The following LRRC8A variants were observed in gnomAD, a reference collection of about 807,000 sequenced individuals.
The protein encoded by LRRC8A is volume-regulated anion channel subunit LRRC8A.
LRRC8A carries 24 observed loss-of-function variants against 52.5 expected under a neutral mutation model. The observed-to-expected ratio is 0.46, with a 90% CI of 0.33 to 0.64. LRRC8A has a LOEUF of 0.64. Ranked by LOEUF, LRRC8A falls within the 30% of genes least tolerant of loss-of-function variation. The pLI is 0.02. For missense variants in LRRC8A, 677 were observed against 1,094.7 expected, an observed-to-expected ratio of 0.62 and a Z score of 5.38; for synonymous variants, 492 against 494.2, an observed-to-expected ratio of 1.00 and a Z score of 0.06.
Position 128,907,778 on chromosome 9 carries a change from TG to T in LRRC8A, c.616del (p.Glu206ArgfsTer42). On this transcript the variant is annotated frameshift_variant, in exon 3 of 4. Coordinates refer to ENST00000372600, the MANE Select transcript of LRRC8A (RefSeq NM_019594.4). LOFTEE classifies it high-confidence loss of function. The surrounding 1 kb of genome is among the most constrained non-coding windows in gnomAD (Gnocchi z 9.3). ...AAGTCATCGACCGTCAGTGAGGACGTGGAGGCCACCGTGCCCATGCTGCAGC... is the reference window on the plus strand; with the variant it reads ...AAGTCATCGACCGTCAGTGAGGACGTGAGGCCACCGTGCCCATGCTGCAGC... ...DKKSSTVSED[V>X]EATVPMLQRT... The T allele has an allele frequency of 6.2e-7, 1 of 1,613,874 alleles. No homozygotes were observed. Among genetic ancestry groups the T allele is most frequent in the Non-Finnish European group, 8.5e-7 (1 of 1,179,940 alleles).
At chr9:128,883,205 C>T (rs1401413214) in intron 1 of LRRC8A, among the ~76,000 whole-genome samples, 1 of 152,138 alleles carries the variant, frequency 6.6e-6, no homozygotes, top group African/African-American at 2.4e-5. Context: ...CCTCAGGAAG[C>T]CTTTTGAGAA....
In LRRC8A at chr9:128,911,487, G is replaced by A. The variant is rs959661509; in HGVS notation, c.2157+2166G>A. ...CAGCCCTTCTTTAATCTGTGGAGGG[G>A]GAGACCCTGTGGCTTCCCCATAGCA... On this transcript the variant is annotated intron_variant, in intron 3 of 3. Transcript: ENST00000372600. This position sits in a 1 kb window ranked among gnomAD's most constrained non-coding sequence, Gnocchi z 4.9. 1.3e-5 allele frequency among the ~76,000 whole-genome samples: 2 copies of A among 152,176 alleles called. No homozygotes were observed. Among genetic ancestry groups the A allele is most frequent in the Admixed American group, 6.5e-5 (1 of 15,280 alleles).
intron 3 of LRRC8A, among the ~76,000 whole-genome samples, chr9:128,915,245 T>C (rs1280515715): frequency 2.6e-5 from 4 of 152,210 alleles, no homozygotes; most frequent in Non-Finnish European, 5.9e-5. Flanking sequence ...TGCAGAACCC[T>C]ATATGTTCTG....
chr9:128,890,130 T>TGTGTGTGTGTGTG (rs1839548910), intron 2 of LRRC8A, among the ~76,000 whole-genome samples: 9 of 128,306 alleles, frequency 7.0e-5, no homozygotes, highest in South Asian at 2.7e-4. Flanking sequence ...TGGCTTCATT[T>TGTGTGTGTGTGTG]TGTGTGTGTG....
chr9:128,893,996 A>G (rs1839724524), intron 2 of LRRC8A, among the ~76,000 whole-genome samples: 1 of 152,038 alleles, frequency 6.6e-6, no homozygotes, highest in Non-Finnish European at 1.5e-5. Context: ...CTCCTGCCTC[A>G]GCCTGCTGAG....
Position 128,909,119 on chromosome 9 carries a change from C to A in LRRC8A, c.1955C>A (p.Ala652Asp). ...TCLKLWYNHI[A>D]YIPIQIGNLT... ...CTTAAGCTGTGGTACAACCACATCGCCTACATCCCCATCCAGATCGGCAAC... is the reference window on the plus strand; with the variant it reads ...CTTAAGCTGTGGTACAACCACATCGACTACATCCCCATCCAGATCGGCAAC... Residue 652 changes from alanine (A) to aspartate (D), a missense_variant, in exon 3 of 4, where the codon GCC becomes GAC. This residue lies in a region of LRRC8A where 169 missense variants were observed against 217.6 expected (regional missense o/e 0.78). Coordinates refer to ENST00000372600, the MANE Select transcript of LRRC8A (RefSeq NM_019594.4). 6.2e-7 allele frequency: 1 copy of A among 1,614,160 alleles called. No individual in the cohort carries two copies. The highest frequency in any genetic ancestry group is 8.5e-7 in the Non-Finnish European group (1 of 1,180,044).
At chr9:128,889,412 G>A (rs1056147583) in intron 2 of LRRC8A, among the ~76,000 whole-genome samples, 3 of 151,964 alleles carry the variant, frequency 2.0e-5, no homozygotes, top group East Asian at 1.9e-4. Flanking sequence ...GTCGTCTACC[G>A]CAGAACTCAT....
At position 128,909,199 on chromosome 9, in the gene LRRC8A, A is replaced by C. The variant is rs779436649; in HGVS notation, c.2035A>C (p.Thr679Pro). Residue 679 changes from threonine (T) to proline (P), a missense_variant, in exon 3 of 4, where the codon ACC becomes CCC. This residue lies in a region of LRRC8A where 169 missense variants were observed against 217.6 expected (regional missense o/e 0.78). Coordinates refer to ENST00000372600, the MANE Select transcript of LRRC8A (RefSeq NM_019594.4). ...CCGCAACAAGATCGAGAAGATCCCC[A>C]CCCAGCTCTTCTACTGCCGCAAGCT... ...LNRNKIEKIP[T>P]QLFYCRKLRY... 6.2e-7 allele frequency: 1 copy of C among 1,614,104 alleles called. No homozygotes were observed. Among genetic ancestry groups the C allele is most frequent in the Non-Finnish European group, 8.5e-7 (1 of 1,180,030 alleles).
Position 128,908,538 on chromosome 9 carries a change from C to G in LRRC8A, c.1374C>G (p.Asp458Glu), listed in dbSNP as rs888329063. ...TCCTCAAGCTGGAGCTGATCCCCGACGTGACCATCCCGCCCAGCATTGCCC... is the reference window on the plus strand; with the variant it reads ...TCCTCAAGCTGGAGCTGATCCCCGAGGTGACCATCCCGCCCAGCATTGCCC... The part of the protein sequence containing the change: ...LEVLKLELIP[D>E]VTIPPSIAQL... Residue 458 changes from aspartate (D) to glutamate (E), a missense_variant, in exon 3 of 4, where the codon GAC (aspartate) becomes GAG (glutamate). Physicochemically the swap from Asp to Glu is conservative, Grantham distance 45. This residue lies in a region of LRRC8A where 422 missense variants were observed against 741.5 expected (regional missense o/e 0.57). Transcript: ENST00000372600. 2 of 1,612,776 alleles carry G rather than the reference C, an allele frequency of 1.2e-6. No homozygotes were observed. The highest frequency in any genetic ancestry group is 1.7e-6 in the Non-Finnish European group (2 of 1,179,950).
chr9:128,898,039 A>AGTGT (rs58876901), intron 2 of LRRC8A, among the ~76,000 whole-genome samples: 1 of 136,410 alleles, frequency 7.3e-6, no homozygotes, highest in African/African-American at 2.8e-5. Flanking sequence ...AAGATTGTTC[A>AGTGT]GTGTGTGTGT....
chr9:128,890,259 T>C (rs2130943277), intron 2 of LRRC8A, among the ~76,000 whole-genome samples: 1 of 151,884 alleles, frequency 6.6e-6, no homozygotes, highest in Admixed American at 6.6e-5. Context: ...CCACAAATGT[T>C]CCCTGCTGTC....
intron 3 of LRRC8A, among the ~76,000 whole-genome samples, chr9:128,909,783 G>A (rs1840426660): frequency 6.6e-6 from 1 of 152,176 alleles, no homozygotes; most frequent in East Asian, 1.9e-4. Flanking sequence ...GAGCCAATCC[G>A]GGTCCACCCA....
chr9:128,916,239 G>C lies in LRRC8A; in HGVS notation c.2301G>C (p.Glu767Asp). The C allele has an allele frequency of 6.2e-7, 1 of 1,613,786 alleles. No individual in the cohort carries two copies. Among genetic ancestry groups the C allele is most frequent in the Non-Finnish European group, 8.5e-7 (1 of 1,179,978 alleles). The change falls in exon 4 of 4, where the codon GAG (glutamate) becomes GAC (aspartate). Residue 767 changes from glutamate (E) to aspartate (D), a missense_variant. Around this residue, in one of 4 missense-constraint regions of LRRC8A, gnomAD observed 169 missense variants for 217.6 expected, o/e 0.78. Transcript: ENST00000372600. This position sits in a 1 kb window ranked among gnomAD's most constrained non-coding sequence, Gnocchi z 6.1. ...TQIELRGNRLECLPVELGECP... is the reference protein window; with the variant it reads ...TQIELRGNRLDCLPVELGECP... ...TCGAGCTGCGGGGCAACCGGCTGGA[G>C]TGCCTGCCTGTGGAGCTGGGCGAGT...
intron 3 of LRRC8A, among the ~76,000 whole-genome samples, chr9:128,915,831 CAGAT>C (rs1276539923): frequency 1.3e-5 from 2 of 152,104 alleles, no homozygotes; most frequent in Non-Finnish European, 2.9e-5. Flanking sequence ...AAGGGGGTAA[CAGAT>C]GGAAGGATGA....
At position 128,908,157 on chromosome 9, in the gene LRRC8A, C is replaced by A; in HGVS notation, c.993C>A (p.Phe331Leu). The change falls in exon 3 of 4, where the codon TTC becomes TTA. Residue 331 changes from phenylalanine (F) to leucine (L), a missense_variant. Physicochemically the swap from Phe to Leu is conservative, Grantham distance 22. Transcript: ENST00000372600. ...LASFYISLVI[F>L]YGLICMYTLW... ...CCTTCTACATCAGCCTAGTCATCTT[C>A]TACGGCCTCATCTGCATGTATACAC... The A allele has an allele frequency of 6.2e-7, 1 of 1,614,094 alleles. No homozygotes were observed. Among genetic ancestry groups the A allele is most frequent in the Non-Finnish European group, 8.5e-7 (1 of 1,180,040 alleles).
intron 2 of LRRC8A, among the ~76,000 whole-genome samples, chr9:128,890,775 G>A (rs1055791427): frequency 2.6e-5 from 4 of 152,164 alleles, no homozygotes; most frequent in African/African-American, 7.2e-5. Context: ...TTCATAACCT[G>A]TCTAAGAAGG....
Position 128,892,389 on chromosome 9 carries a change from C to T in LRRC8A, c.-9+6268C>T, listed in dbSNP as rs748558484. Reference sequence around the variant, plus strand: ...ACCTGTTGCCTTTCACCCTAGAAGGCGGGCCACGCCCTTGCAAGTTGGTGT... The same window carrying T: ...ACCTGTTGCCTTTCACCCTAGAAGGTGGGCCACGCCCTTGCAAGTTGGTGT... On this transcript the variant is annotated intron_variant, in intron 2 of 3. Coordinates refer to ENST00000372600, the MANE Select transcript of LRRC8A (RefSeq NM_019594.4). The surrounding 1 kb of genome is among the most constrained non-coding windows in gnomAD (Gnocchi z 5.2). 5.9e-5 allele frequency among the ~76,000 whole-genome samples: 9 copies of T among 152,144 alleles called. No individual in the cohort carries two copies. The highest frequency in any genetic ancestry group is 1.9e-4 in the East Asian group (1 of 5,190).
chr9:128,904,379 C>T (rs760195867), intron 2 of LRRC8A, among the ~76,000 whole-genome samples: 2 of 151,720 alleles, frequency 1.3e-5, no homozygotes, highest in Non-Finnish European at 2.9e-5. Flanking sequence ...ATTAGCTGGG[C>T]GTGGTAGCGT....
chr9:128,890,169 T>TGTGTGTGTGTGTGTGCGC (rs1491190172), intron 2 of LRRC8A, among the ~76,000 whole-genome samples: 1 of 148,452 alleles, frequency 6.7e-6, no homozygotes, highest in Non-Finnish European at 1.5e-5. Flanking sequence ...TGTGTGTGTG[T>TGTGTGTGTGTGTGTGCGC]GCTGGGAAGG....
Sources: gnomAD v4.1 joint callset for allele counts (sites outside exome capture counted in the v4.1 genomes callset) on GRCh38, gnomAD v4.1.1 for gene constraint, gnomAD v4.1.1 regional missense constraint, Gnocchi (gnomAD v3.1) non-coding constraint, MANE v1.5 for transcripts, NCBI Gene and HGNC (gene_info 2026-07-23, HGNC 2026-07-21) for gene names.